IL32: variants seen among roughly 807,000 people sequenced by gnomAD.
IL32 encodes interleukin 32, also known as interleukin-32.
In IL32, 30 loss-of-function variants were observed where a neutral mutation model predicts 16.6. That is an observed-to-expected ratio of 1.81 (90% CI 1.35 to 2.45). IL32 has a LOEUF of 2.45. Among genes scored for constraint, IL32 ranks in the 30% most tolerant of loss-of-function variants. The pLI, the probability that IL32 is intolerant of heterozygous loss-of-function variation, is 0.00. For missense variants in IL32, 234 were observed against 229.8 expected (o/e 1.02, Z -0.12); for synonymous variants, 70 against 86.1 (o/e 0.81, Z 1.03).
rs115223078 is a variant in IL32, at chr16:3,066,886, T to G, written c.16-491T>G. Among the ~76,000 whole-genome samples, 1,032 of 143,132 alleles carry G rather than the reference T, an allele frequency of 7.2e-3. 13 individuals are homozygous for G. The highest frequency in any genetic ancestry group is 0.015 in the Middle Eastern group (3 of 200). 93.9% of individuals were successfully genotyped at this position (143,132 alleles called of 152,430 possible). ...CCTCCCGTGTGTGTACATGGGGGGG[T>G]GTGTGTGTGCAGGGAGGACACCCCG... On this transcript the variant is annotated intron_variant, in intron 2 of 6. Coordinates refer to ENST00000525643, the MANE Select transcript of IL32 (RefSeq NM_001376923.1).
intron 2 of IL32, 83 bp downstream of exon 2, chr16:3,065,909 G>T: frequency 6.5e-7 from 1 of 1,531,084 alleles, no homozygotes; most frequent in African/African-American, 1.4e-5. Context: ...ATTTCCCGAG[G>T]TGCCTGTGTG....
At chr16:3,066,081 CGGGGCAGGGGT>C (rs1245846550) in intron 2 of IL32, among the ~76,000 whole-genome samples, 1 of 151,088 alleles carries the variant, frequency 6.6e-6, no homozygotes, top group Non-Finnish European at 1.5e-5. Context: ...CCGGAAAGCC[CGGGGCAGGGGT>C]GGGGCAGGGC....
In IL32 at chr16:3,065,835, G is replaced by C; in HGVS notation, c.15+9G>C. The C allele has an allele frequency of 6.2e-7, 1 of 1,614,084 alleles. No individual in the cohort carries two copies. Among genetic ancestry groups the C allele is most frequent in the Non-Finnish European group, 8.5e-7 (1 of 1,180,030 alleles). ...CCATGTGCTTCCCGAAGGTGAGTGA[G>C]AGGCTGCGTGTGCTTTTGTGGGCAT... On this transcript the variant is annotated intron_variant, in intron 2 of 6. Coordinates refer to ENST00000525643, the MANE Select transcript of IL32 (RefSeq NM_001376923.1).
chr16:3,067,703 A>G, intron 4 of IL32, 90 bp downstream of exon 4: 1 of 1,030,526 alleles, frequency 9.7e-7, no homozygotes, highest in East Asian at 2.4e-5. Context: ...AAGGATGAAG[A>G]GGGACCCACA....
chr16:3,068,605 C>T, intron 6 of IL32: 1 of 408,680 alleles, frequency 2.4e-6, no homozygotes, highest in South Asian at 2.2e-5. Flanking sequence ...GCCACCGGGC[C>T]CAGCCAACCC....
At chr16:3,067,804 G>T in intron 4 of IL32, 180 bp from the exon 5 acceptor site, 1 of 826,672 alleles carries the variant, frequency 1.2e-6, no homozygotes, top group Non-Finnish European at 2.0e-6. Context: ...GGAGACTGAG[G>T]GAGGCATCCA....
chr16:3,069,160 C>G lies in IL32; in HGVS notation c.372C>G (p.His124Gln), dbSNP rs764135077. Reference sequence around the variant, plus strand: ...TGCAGCGGCTGCAGACCTGGTGGCACGGGGTTCTGGCCTGGGTGAAGGAGA... The same window carrying G: ...TGCAGCGGCTGCAGACCTGGTGGCAGGGGGTTCTGGCCTGGGTGAAGGAGA... Reference protein sequence around the residue: ...AMLQRLQTWWHGVLAWVKEKV... With the variant: ...AMLQRLQTWWQGVLAWVKEKV... The change falls in exon 7 of 7, where the codon CAC (histidine) becomes CAG (glutamine). Residue 124 changes from histidine to glutamine, a missense_variant. Transcript: ENST00000525643. The G allele has an allele frequency of 2.5e-6, 4 of 1,613,320 alleles. No homozygotes were observed. The highest frequency in any genetic ancestry group is 3.4e-6 in the Non-Finnish European group (4 of 1,179,726).
rs541540617 is a variant in IL32 at position 3,067,844 on chromosome 16, G to T, written c.115-140G>T. ...CCAGGGCTCCTTGAGGAAACAACAG[G>T]GGTGCCAGACGTGGCCCGGGCCCCT... is the stretch of plus-strand genomic sequence containing the variant. On this transcript the variant is annotated intron_variant, in intron 4 of 6. Coordinates refer to ENST00000525643, the MANE Select transcript of IL32 (RefSeq NM_001376923.1). 5 of 1,021,958 alleles carry T rather than the reference G, an allele frequency of 4.9e-6. No individual in the cohort carries two copies. In the South Asian group the frequency reaches 5.4e-5, roughly 11 times the overall value. 63.3% of individuals were successfully genotyped at this position (1,021,958 alleles called of 1,614,324 possible).
Position 3,067,538 on chromosome 16 carries a change from C to T in IL32, c.55-16C>T. ...AGGATCCGGCCCTTTGGTGCCAACT[C>T]TGCCTCTCTTCACAGCACCAGGCCA... On this transcript the variant is annotated splice_polypyrimidine_tract_variant and intron_variant, in intron 3 of 6. Transcript: ENST00000525643. 2.5e-6 allele frequency: 4 copies of T among 1,614,098 alleles called. No individual in the cohort carries two copies. Among genetic ancestry groups the T allele is most frequent in the Non-Finnish European group, 3.4e-6 (4 of 1,180,006 alleles).
chr16:3,068,062 C>T (rs1402887156), intron 5 of IL32, 52 bp downstream of exon 5: 1 of 1,611,194 alleles, frequency 6.2e-7, no homozygotes, highest in Non-Finnish European at 8.5e-7. Flanking sequence ...TCTTAGGCTC[C>T]ACAGGACACT....
Position 3,067,421 on chromosome 16 carries a change from G to T in IL32, c.54+6G>T. 5 of 1,593,164 alleles carry T rather than the reference G, an allele frequency of 3.1e-6. No individual in the cohort carries two copies. The highest frequency in any genetic ancestry group is 4.3e-6 in the Non-Finnish European group (5 of 1,168,906). ...AGAAGCTGAAGGCCCGAATGGTAATGCTCCTCCCTACTTCTGCTCAGGGGT... is the reference window on the plus strand; with the variant it reads ...AGAAGCTGAAGGCCCGAATGGTAATTCTCCTCCCTACTTCTGCTCAGGGGT... On this transcript the variant is annotated splice_donor_region_variant and intron_variant, in intron 3 of 6. Coordinates refer to ENST00000525643, the MANE Select transcript of IL32 (RefSeq NM_001376923.1).
rs147775375 is a variant in IL32 at position 3,067,576 on chromosome 16, A to G, written c.77A>G (p.Tyr26Cys). 2,697 of 1,613,838 alleles carry G rather than the reference A, an allele frequency of 1.7e-3. 18 individuals carry two copies. The African/African-American group carries it at 0.021, about 12-fold the overall frequency. Residue 26 changes from tyrosine (Y) to cysteine (C), a missense_variant, in exon 4 of 7, where the codon TAT (tyrosine) becomes TGT (cysteine). Physicochemically the swap from Tyr to Cys is radical, Grantham distance 194. Coordinates refer to ENST00000525643, the MANE Select transcript of IL32 (RefSeq NM_001376923.1). ...CAGCACCAGGCCATAGAAAGATTTT[A>G]TGATAAAATGCAAAATGCAGAATCA... The part of the protein sequence containing the change: ...ARMHQAIERF[Y>C]DKMQNAESGR...
rs1354702133 is a variant in IL32 at position 3,067,422 on chromosome 16, C to T, written c.54+7C>T. The T allele has an allele frequency of 5.6e-6, 9 of 1,593,326 alleles. No homozygotes were observed. Among genetic ancestry groups the T allele is most frequent in the Non-Finnish European group, 7.7e-6 (9 of 1,169,138 alleles). ...GAAGCTGAAGGCCCGAATGGTAATG[C>T]TCCTCCCTACTTCTGCTCAGGGGTT... On this transcript the variant is annotated splice_region_variant and intron_variant, in intron 3 of 6. Transcript: ENST00000525643.
At chr16:3,066,231 C>G (rs1956291142) in intron 2 of IL32, among the ~76,000 whole-genome samples, 1 of 151,710 alleles carries the variant, frequency 6.6e-6, no homozygotes, top group African/African-American at 2.4e-5. Context: ...CTCCCATCCT[C>G]TACCACTGCC....
At chr16:3,065,848 C>T in intron 2 of IL32, 22 bp downstream of exon 2, 1 of 1,613,984 alleles carries the variant, frequency 6.2e-7, no homozygotes, top group South Asian at 1.1e-5. Flanking sequence ...GCTGCGTGTG[C>T]TTTTGTGGGC....
chr16:3,067,999 G>T lies in IL32; in HGVS notation c.130G>T (p.Ala44Ser). The T allele has an allele frequency of 1.2e-6, 2 of 1,614,130 alleles. No individual in the cohort carries two copies. Among genetic ancestry groups the T allele is most frequent in the Non-Finnish European group, 1.7e-6 (2 of 1,179,986 alleles). The change falls in exon 5 of 7, where the codon GCA becomes TCA. Residue 44 changes from alanine to serine, a missense_variant. Ala to Ser is a moderately conservative substitution (Grantham distance 99). This residue lies in a region of IL32 where 137 missense variants were observed against 80.7 expected (regional missense o/e 1.70). Coordinates refer to ENST00000525643, the MANE Select transcript of IL32 (RefSeq NM_001376923.1). ...SGRGQVMSSLAELEDDFKEGY... is the reference protein window; with the variant it reads ...SGRGQVMSSLSELEDDFKEGY... ...TTCCTAACAGGTGATGTCGAGCCTG[G>T]CAGAGCTGGAGGTGAGCCGTGGCCT...
At chr16:3,067,955 C>G in intron 4 of IL32, 29 bp from the exon 5 acceptor site, 1 of 1,613,696 alleles carries the variant, frequency 6.2e-7, no homozygotes, top group Non-Finnish European at 8.5e-7. Context: ...GAGGCTTGGG[C>G]CTGGAACCGA....
intron 2 of IL32, 102 bp downstream of exon 2, chr16:3,065,928 C>T: frequency 7.4e-7 from 1 of 1,354,416 alleles, no homozygotes; most frequent in Non-Finnish European, 1.1e-6. Flanking sequence ...TGTCAGGGCT[C>T]AGTCAGGGGC....
chr16:3,065,590 C>T, upstream of IL32: 3 of 647,358 alleles, frequency 4.6e-6, no homozygotes, highest in South Asian at 5.3e-5. Flanking sequence ...GAGGCTCCGC[C>T]CACTACCCCC....
Sources: allele counts gnomAD v4.1 joint callset (sites outside exome capture counted in the v4.1 genomes callset), GRCh38; gene constraint gnomAD v4.1.1; regional missense constraint gnomAD v4.1.1; transcripts MANE v1.5; gene names NCBI Gene and HGNC (gene_info 2026-07-23, HGNC 2026-07-21).